Variants in ZNF385D observed in about 807,000 individuals in gnomAD.
ZNF385D encodes the protein zinc finger protein 659.
In ZNF385D, 15 loss-of-function variants were observed where a neutral mutation model predicts 35.8. The observed-to-expected ratio is 0.42, with a 90% CI of 0.28 to 0.64. The LOEUF is 0.64. ZNF385D is among the 30% of genes least tolerant of loss of function. The pLI is 0.23. For missense variants in ZNF385D, 474 were observed against 494.6 expected (o/e 0.96, Z 0.39); for synonymous variants, 212 against 186.8 (o/e 1.13, Z -1.10).
chr3:22,284,171 C>T (rs546828119), intron 2 of ZNF385D, among the ~76,000 whole-genome samples: 3 of 143,650 alleles, frequency 2.1e-5, no homozygotes, highest in Non-Finnish European at 4.7e-5. Context: ...TCAATAAACA[C>T]AGGATTTTTG....
At chr3:21,648,017 A>G (rs989725116) in intron 2 of ZNF385D, among the ~76,000 whole-genome samples, 3 of 152,198 alleles carry the variant, frequency 2.0e-5, no homozygotes, top group African/African-American at 7.2e-5. Context: ...CTCATTTATG[A>G]GGATGTTTTG....
intron 3 of ZNF385D, among the ~76,000 whole-genome samples, chr3:21,861,090 A>C (rs1462627507): frequency 6.6e-6 from 1 of 152,150 alleles, no homozygotes; most frequent in Non-Finnish European, 1.5e-5. Context: ...AAGGTCAAAC[A>C]AAAATATTTT....
At chr3:22,086,268 T>C (rs935662345) in intron 3 of ZNF385D, among the ~76,000 whole-genome samples, 4 of 152,230 alleles carry the variant, frequency 2.6e-5, no homozygotes, top group African/African-American at 7.2e-5. Flanking sequence ...AAATTGTCTC[T>C]GTTTGCAGAT....
At chr3:22,120,658 G>T (rs750928263) in intron 3 of ZNF385D, among the ~76,000 whole-genome samples, 1 of 152,122 alleles carries the variant, frequency 6.6e-6, no homozygotes, top group Non-Finnish European at 1.5e-5. Context: ...AAACTAAGCT[G>T]TCTGAACGTA....
chr3:22,240,604 G>T (rs1699440532), intron 2 of ZNF385D, among the ~76,000 whole-genome samples: 1 of 151,016 alleles, frequency 6.6e-6, no homozygotes, highest in African/African-American at 2.5e-5. Flanking sequence ...TCCAGGGTAA[G>T]AAAGATGCCA....
At position 22,233,407 on chromosome 3, in the gene ZNF385D, G is replaced by T. The variant is rs552368106; in HGVS notation, c.107-64372C>A. Among the ~76,000 whole-genome samples the T allele has an allele frequency of 5.3e-5, 8 of 152,272 alleles. No homozygotes were observed. The South Asian group carries it at 1.4e-3, about 28-fold the overall frequency. ...AATGAAAGAAAGCAGATCAGTGGTT[G>T]CCTGGGGCAACAAGTGAGGAGATTA... is the stretch of plus-strand genomic sequence containing the variant. On this transcript the variant is annotated intron_variant, in intron 2 of 5. Transcript: ENST00000494108.
At chr3:21,947,840 G>T (rs1262919466) in intron 3 of ZNF385D, among the ~76,000 whole-genome samples, 3 of 152,004 alleles carry the variant, frequency 2.0e-5, no homozygotes, top group African/African-American at 4.8e-5. Flanking sequence ...TCAGGGTTAT[G>T]TATTTGTCTA....
At chr3:21,811,715 A>G (rs1406295634) in intron 3 of ZNF385D, among the ~76,000 whole-genome samples, 1 of 152,202 alleles carries the variant, frequency 6.6e-6, no homozygotes, top group Non-Finnish European at 1.5e-5. Context: ...CTTGATGAGG[A>G]AAATTACCTA....
chr3:22,020,344 T>A (rs1400291765), intron 3 of ZNF385D, among the ~76,000 whole-genome samples: 1 of 151,898 alleles, frequency 6.6e-6, no homozygotes, highest in Non-Finnish European at 1.5e-5. Context: ...TTTTTTCTTT[T>A]CCTATTATTT....
At chr3:21,886,027 A>G (rs1473853265) in intron 3 of ZNF385D, among the ~76,000 whole-genome samples, 1 of 152,156 alleles carries the variant, frequency 6.6e-6, no homozygotes. Flanking sequence ...ACACCTTCTC[A>G]GAAACATCCA....
chr3:22,076,681 G>C (rs944310467), intron 3 of ZNF385D, among the ~76,000 whole-genome samples: 1 of 151,958 alleles, frequency 6.6e-6, no homozygotes, highest in African/African-American at 2.4e-5. Context: ...ATAGTCCAGA[G>C]TAAGTGATCA....
intron 3 of ZNF385D, among the ~76,000 whole-genome samples, chr3:21,993,968 C>T (rs1419377654): frequency 6.6e-6 from 1 of 152,164 alleles, no homozygotes; most frequent in African/African-American, 2.4e-5. Context: ...TGCCCAACTG[C>T]TAAGCTGCTC....
chr3:21,960,629 T>C (rs2125317484), intron 3 of ZNF385D, among the ~76,000 whole-genome samples: 1 of 152,282 alleles, frequency 6.6e-6, no homozygotes, highest in Admixed American at 6.5e-5. Context: ...AAAGGACACC[T>C]ACACTCCTTT....
At chr3:22,124,175 G>C (rs1255814074) in intron 3 of ZNF385D, among the ~76,000 whole-genome samples, 1 of 151,850 alleles carries the variant, frequency 6.6e-6, no homozygotes, top group Admixed American at 6.6e-5. Flanking sequence ...CCACAAGTGA[G>C]AATATGTCAT....
At chr3:21,625,861 C>T (rs556826516) in intron 2 of ZNF385D, among the ~76,000 whole-genome samples, 1 of 152,236 alleles carries the variant, frequency 6.6e-6, no homozygotes, top group East Asian at 1.9e-4. Context: ...TTCTATTAGT[C>T]AGTGCTGCCA....
At chr3:21,652,910 AT>A (rs1261786193) in intron 2 of ZNF385D, among the ~76,000 whole-genome samples, 2 of 151,640 alleles carry the variant, frequency 1.3e-5, no homozygotes, top group East Asian at 1.9e-4. Flanking sequence ...TTTTGTTCAG[AT>A]TTTTTTTTAA....
At chr3:21,790,878 T>C (rs538874245) in intron 3 of ZNF385D, among the ~76,000 whole-genome samples, 2 of 152,322 alleles carry the variant, frequency 1.3e-5, no homozygotes, top group African/African-American at 4.8e-5. Context: ...GATAGCTAGA[T>C]TTTTTTGCTT....
intron 2 of ZNF385D, among the ~76,000 whole-genome samples, chr3:22,336,908 T>TAAAAAA (rs1559527421): frequency 9.5e-4 from 1 of 1,056 alleles, no homozygotes; most frequent in Non-Finnish European, 5.3e-3. Flanking sequence ...CAGTGATTTT[T>TAAAAAA]CAAAAAAAAA....
chr3:21,797,888 G>C (rs1173274181), intron 3 of ZNF385D, among the ~76,000 whole-genome samples: 2 of 152,124 alleles, frequency 1.3e-5, no homozygotes, highest in Non-Finnish European at 2.9e-5. Flanking sequence ...AGATTGTTTA[G>C]GGCAGTGAAA....
Sources: allele counts gnomAD v4.1 joint callset (sites outside exome capture counted in the v4.1 genomes callset), GRCh38; gene constraint gnomAD v4.1.1; transcripts MANE v1.5; gene names NCBI Gene and HGNC (gene_info 2026-07-23, HGNC 2026-07-21).